Variants in PPIP5K2 observed in about 807,000 individuals in gnomAD.
The protein encoded by PPIP5K2 is diphosphoinositol pentakisphosphate kinase 2.
Under a neutral mutation model 154.6 loss-of-function variants are expected in PPIP5K2, and 105 were observed. That is an observed-to-expected ratio of 0.68 (90% CI 0.58 to 0.80). The LOEUF (loss-of-function observed/expected upper bound fraction) is 0.80. Among genes scored for constraint, PPIP5K2 ranks in the 30% least tolerant of loss-of-function variants. PPIP5K2 has a pLI of 0.00. For missense variants in PPIP5K2, 992 were observed against 1,504.6 expected (o/e 0.66, Z 5.64); for synonymous variants, 480 against 490.3 (o/e 0.98, Z 0.28).
At chr5:103,154,071 G>A in intron 11 of PPIP5K2, 137 bp downstream of exon 11, 1 of 558,822 alleles carries the variant, frequency 1.8e-6, no homozygotes, top group Non-Finnish European at 3.1e-6. Flanking sequence ...TTAAACCAGT[G>A]GGTGGGTACA....
chr5:103,172,412 T>C (rs1442455025), intron 19 of PPIP5K2, among the ~76,000 whole-genome samples: 1 of 151,158 alleles, frequency 6.6e-6, no homozygotes, highest in African/African-American at 2.4e-5. Context: ...AAATAGCCTT[T>C]AAGTTGAAAT....
chr5:103,189,286 C>T, intron 28 of PPIP5K2: 1 of 1,307,368 alleles, frequency 7.6e-7, no homozygotes, highest in Non-Finnish European at 1.1e-6. Flanking sequence ...GCTGCGCTAA[C>T]CCTTTCATTG....
At chr5:103,171,713 GT>G (rs1554219600) in intron 19 of PPIP5K2, among the ~76,000 whole-genome samples, 2 of 151,472 alleles carry the variant, frequency 1.3e-5, no homozygotes, top group African/African-American at 4.8e-5. Flanking sequence ...ACATATCAAT[GT>G]TTTGGAATAT....
intron 7 of PPIP5K2, among the ~76,000 whole-genome samples, chr5:103,148,620 A>C (rs1794110380): frequency 6.6e-6 from 1 of 152,258 alleles, no homozygotes; most frequent in East Asian, 1.9e-4. Context: ...CTGCCATACA[A>C]GATATTTCAG....
rs1798221693 is a variant in PPIP5K2 at position 103,173,191 on chromosome 5, G to A, written c.2323G>A (p.Ala775Thr). 6.2e-7 allele frequency: 1 copy of A among 1,609,000 alleles called. No individual in the cohort carries two copies. ...AACTAAAGCTGAAAAACTGGAGATTGCCAAAGGCTACTGTACTCCTCTGGT... is the reference window on the plus strand; with the variant it reads ...AACTAAAGCTGAAAAACTGGAGATTACCAAAGGCTACTGTACTCCTCTGGT... Reference protein sequence around the residue: ...GITKAEKLEIAKGYCTPLVRK... With the variant: ...GITKAEKLEITKGYCTPLVRK... The change falls in exon 20 of 31, where the codon GCC becomes ACC. Residue 775 changes from alanine to threonine, a missense_variant. Ala to Thr is a moderately conservative substitution (Grantham distance 58). Around this residue, in one of 9 missense-constraint regions of PPIP5K2, gnomAD observed 157 missense variants for 281.2 expected, o/e 0.56. Transcript: ENST00000358359.
chr5:103,129,022 T>C (rs1292848950), intron 1 of PPIP5K2, among the ~76,000 whole-genome samples: 6 of 152,214 alleles, frequency 3.9e-5, no homozygotes, highest in African/African-American at 1.4e-4. Flanking sequence ...TAATTTTCTC[T>C]TAATTAGTTT....
chr5:103,154,983 A>C (rs782514777), intron 13 of PPIP5K2, 40 bp downstream of exon 13: 3 of 1,190,502 alleles, frequency 2.5e-6, no homozygotes, highest in Admixed American at 5.0e-5. Context: ...GGTACTACAT[A>C]TAGCTCTTCT....
intron 5 of PPIP5K2, among the ~76,000 whole-genome samples, chr5:103,145,059 T>G (rs941193904): frequency 6.6e-6 from 1 of 151,502 alleles, no homozygotes. Flanking sequence ...AACAGCTCTA[T>G]AGGAAAAAAA....
At position 103,177,744 on chromosome 5, in the gene PPIP5K2, T is replaced by C. The variant is rs1554221449; in HGVS notation, c.2607T>C (p.Ile869=). 6.2e-7 allele frequency: 1 copy of C among 1,611,890 alleles called. No individual in the cohort carries two copies. Among genetic ancestry groups the C allele is most frequent in the South Asian group, 1.1e-5 (1 of 90,872 alleles). Residue 869 remains isoleucine, a synonymous_variant, in exon 22 of 31, where the codon ATT becomes ATC. Coordinates refer to ENST00000358359, the MANE Select transcript of PPIP5K2 (RefSeq NM_001276277.3). ...ATGAGCTCAACTACATGACTCAGAT[T>C]GTTATCATGCTTTATGAGGATCCTA... ...VVNELNYMTQ[I]VIMLYEDPNK...
intron 18 of PPIP5K2, among the ~76,000 whole-genome samples, chr5:103,167,761 G>A (rs1797356405): frequency 6.6e-6 from 1 of 151,850 alleles, no homozygotes; most frequent in South Asian, 2.1e-4. Flanking sequence ...ACTTAGTTAT[G>A]TGAGTCTAAT....
rs938909562 is a variant in PPIP5K2 at position 103,202,111 on chromosome 5, C to A, written c.*477C>A. ...TCATTAACCGTTTAGATTAGAATAT[C>A]TTTCCCAATTGTTACAGTGACATAT... On this transcript the variant is annotated 3_prime_UTR_variant, in exon 31 of 31. Transcript: ENST00000358359. 2 of 152,946 alleles carry A rather than the reference C, an allele frequency of 1.3e-5. No individual in the cohort carries two copies. The highest frequency in any genetic ancestry group is 6.5e-5 in the Admixed American group (1 of 15,292). 9.5% of individuals were successfully genotyped at this position (152,946 alleles called of 1,614,324 possible). A position where few individuals can be genotyped will look rare whatever the true frequency, so the allele number is the denominator to read the frequency against.
At chr5:103,181,074 ATAAT>A (rs1799461807) in intron 24 of PPIP5K2, among the ~76,000 whole-genome samples, 1 of 152,188 alleles carries the variant, frequency 6.6e-6, no homozygotes. Flanking sequence ...AAACATTTAA[ATAAT>A]TAATAAAGTA....
intron 18 of PPIP5K2, among the ~76,000 whole-genome samples, chr5:103,167,794 G>A (rs1204111918): frequency 6.6e-6 from 1 of 151,808 alleles, no homozygotes; most frequent in African/African-American, 2.4e-5. Context: ...ATTGAAAATT[G>A]AAAATATATG....
intron 28 of PPIP5K2, chr5:103,189,090 C>A: frequency 9.0e-7 from 1 of 1,117,076 alleles, no homozygotes; most frequent in Non-Finnish European, 1.3e-6. Flanking sequence ...CCCCTCCCTT[C>A]ATCTTTAGTT....
chr5:103,143,694 A>T (rs1554208075), intron 5 of PPIP5K2, among the ~76,000 whole-genome samples: 1 of 152,218 alleles, frequency 6.6e-6, no homozygotes, highest in Non-Finnish European at 1.5e-5. Flanking sequence ...ACATATGATC[A>T]TTTCAATTGA....
rs1317863487 is a variant in PPIP5K2, at chr5:103,129,450, G to A, written c.-140G>A. ...TTGCCAACAGTCATCATAATATCAAGTGATTGTATAAGCAGAAACAAGCTG... is the reference window on the plus strand; with the variant it reads ...TTGCCAACAGTCATCATAATATCAAATGATTGTATAAGCAGAAACAAGCTG... On this transcript the variant is annotated 5_prime_UTR_variant, in exon 2 of 31. It adds an upstream start codon to the 5' untranslated region. Transcript: ENST00000358359. 1.8e-6 allele frequency: 1 copy of A among 550,258 alleles called. No individual in the cohort carries two copies. The highest frequency in any genetic ancestry group is 1.9e-5 in the African/African-American group (1 of 51,662). The allele number at this position is 550,258 out of a possible 1,614,324, so 34.1% of individuals were successfully genotyped here.
rs145405900 is a variant in PPIP5K2 at position 103,124,903 on chromosome 5, C to G, written c.-284-4403C>G. Among the ~76,000 whole-genome samples the G allele has an allele frequency of 6.7e-3, 1,026 of 152,246 alleles. 7 individuals are homozygous for G. The highest frequency in any genetic ancestry group is 0.013 in the Non-Finnish European group (853 of 68,006). On this transcript the variant is annotated intron_variant, in intron 1 of 30. Coordinates refer to ENST00000358359, the MANE Select transcript of PPIP5K2 (RefSeq NM_001276277.3). ...ACAGTGCCTAATAAATGTTCCTTCC[C>G]TTGAGATTTATGTTGTGGAGGGATA...
rs1554232467 is a variant in PPIP5K2, at chr5:103,209,446, C to A, written c.*7812C>A. On this transcript the variant is annotated 3_prime_UTR_variant, in exon 31 of 31. Coordinates refer to ENST00000358359, the MANE Select transcript of PPIP5K2 (RefSeq NM_001276277.3). Reference sequence around the variant, plus strand: ...AATAAAATCAAGGATACCATCCCACCCACCTATCTTACATTTTGTGTGGTA... The same window carrying A: ...AATAAAATCAAGGATACCATCCCACACACCTATCTTACATTTTGTGTGGTA... 6.6e-6 allele frequency: 1 copy of A among 151,946 alleles called. No individual in the cohort carries two copies. The highest frequency in any genetic ancestry group is 1.9e-4 in the East Asian group (1 of 5,182). The allele number at this position is 151,946 out of a possible 1,614,324, so 9.4% of individuals were successfully genotyped here. A position where few individuals can be genotyped will look rare whatever the true frequency, so the allele number is the denominator to read the frequency against.
At chr5:103,130,375 G>T (rs1790415879) in intron 2 of PPIP5K2, among the ~76,000 whole-genome samples, 1 of 152,014 alleles carries the variant, frequency 6.6e-6, no homozygotes, top group African/African-American at 2.4e-5. Flanking sequence ...GCTTTACTGT[G>T]AATACTGATT....
Sources: gnomAD v4.1 joint callset for allele counts (sites outside exome capture counted in the v4.1 genomes callset) on GRCh38, gnomAD v4.1.1 for gene constraint, gnomAD v4.1.1 regional missense constraint, MANE v1.5 for transcripts, NCBI Gene and HGNC (gene_info 2026-07-23, HGNC 2026-07-21) for gene names.